Variants in ST7L observed in about 807,000 individuals in gnomAD.
ST7L encodes suppression of tumorigenicity 7 like.
In ST7L, 57 loss-of-function variants were observed where a neutral mutation model predicts 72.5. The observed-to-expected ratio is 0.79, with a 90% CI of 0.64 to 0.98. The LOEUF is 0.98. ST7L is among the 50% of genes least tolerant of loss of function. ST7L has a pLI of 0.00. For synonymous variants in ST7L, 221 were observed against 240.9 expected, an observed-to-expected ratio of 0.92 and a Z score of 0.77; for missense variants, 576 against 672.2, an observed-to-expected ratio of 0.86 and a Z score of 1.58.
chr1:112,534,325 T>G (rs1236454705), intron 14 of ST7L, among the ~76,000 whole-genome samples: 1 of 152,208 alleles, frequency 6.6e-6, no homozygotes, highest in East Asian at 1.9e-4. Flanking sequence ...GTATGTATCA[T>G]GACTAAAAGT....
At chr1:112,526,422 CAG>C (rs1204450157) in intron 14 of ST7L, 3 of 223,774 alleles carry the variant, frequency 1.3e-5, no homozygotes, top group East Asian at 9.0e-5. Flanking sequence ...GTAGTCATGA[CAG>C]AAAATTATTA....
chr1:112,562,459 A>C (rs1660329278), intron 11 of ST7L, among the ~76,000 whole-genome samples: 1 of 152,182 alleles, frequency 6.6e-6, no homozygotes. Context: ...CAATTAAAAA[A>C]AAAGATATGA....
chr1:112,574,217 T>C (rs1392844654), intron 11 of ST7L, among the ~76,000 whole-genome samples: 4 of 120,906 alleles, frequency 3.3e-5, no homozygotes, highest in African/African-American at 7.3e-5. Context: ...GCGCCCGGAC[T>C]TTTTTTTTTT....
At chr1:112,593,635 C>T (rs989094512) in intron 5 of ST7L, among the ~76,000 whole-genome samples, 1 of 151,974 alleles carries the variant, frequency 6.6e-6, no homozygotes, top group South Asian at 2.1e-4. Context: ...TCAATTTTGC[C>T]CTATTTTTCA....
At chr1:112,568,296 T>A (rs989481954) in intron 11 of ST7L, among the ~76,000 whole-genome samples, 11 of 152,046 alleles carry the variant, frequency 7.2e-5, no homozygotes, top group African/African-American at 2.4e-4. Flanking sequence ...CTGGATCACA[T>A]TAATCAAGAG....
chr1:112,547,152 C>G (rs2101491359), intron 13 of ST7L, among the ~76,000 whole-genome samples: 1 of 151,798 alleles, frequency 6.6e-6, no homozygotes, highest in South Asian at 2.1e-4. Context: ...TTCTTGACCT[C>G]CTAGATAGCT....
upstream of ST7L, chr1:112,619,313 G>T: frequency 3.3e-6 from 2 of 612,008 alleles, no homozygotes; most frequent in East Asian, 5.5e-5. Flanking sequence ...GCAGGGAAGG[G>T]GCGGACAGCA....
chr1:112,582,190 T>A (rs1664227252), intron 8 of ST7L, 84 bp from the exon 9 acceptor site: 2 of 1,115,082 alleles, frequency 1.8e-6, no homozygotes, highest in Non-Finnish European at 2.6e-6. Context: ...GTAGAAATTC[T>A]TGTTTCTTAC....
At chr1:112,552,755 G>C (rs1471712157) in intron 12 of ST7L, among the ~76,000 whole-genome samples, 1 of 152,062 alleles carries the variant, frequency 6.6e-6, no homozygotes, top group African/African-American at 2.4e-5. Flanking sequence ...AAGTCATAGA[G>C]TAAATTAGTG....
intron 11 of ST7L, among the ~76,000 whole-genome samples, chr1:112,559,538 A>G (rs1659760921): frequency 6.6e-6 from 1 of 152,114 alleles, no homozygotes; most frequent in Non-Finnish European, 1.5e-5. Flanking sequence ...GGCAAAAAAA[A>G]ATACTTTTTT....
At chr1:112,549,908 T>C (rs550934371) in intron 13 of ST7L, among the ~76,000 whole-genome samples, 6 of 152,310 alleles carry the variant, frequency 3.9e-5, no homozygotes, top group African/African-American at 1.4e-4. Flanking sequence ...CCATTAAATA[T>C]AATGTTAATT....
At chr1:112,605,409 G>C (rs1436643497) in intron 3 of ST7L, among the ~76,000 whole-genome samples, 5 of 148,264 alleles carry the variant, frequency 3.4e-5, no homozygotes, top group Non-Finnish European at 7.4e-5. Context: ...AACAAAAAGA[G>C]GCCAAGTGTG....
At position 112,525,500 on chromosome 1, in the gene ST7L, A is replaced by G. The variant is rs1382413834; in HGVS notation, c.*513T>C. The stretch of plus-strand genomic sequence containing the variant: ...TTTTCCCACTTCCCACTCATGGCTT[A>G]TATTATCTCTGAGCATCTCGGTGGC... On this transcript the variant is annotated 3_prime_UTR_variant, in exon 15 of 15. Transcript: ENST00000358039. 1 of 153,250 alleles carries G rather than the reference A, an allele frequency of 6.5e-6. No individual in the cohort carries two copies. The highest frequency in any genetic ancestry group is 1.5e-5 in the Non-Finnish European group (1 of 68,780). 9.5% of individuals were successfully genotyped at this position (153,250 alleles called of 1,614,324 possible).
chr1:112,561,523 C>T (rs112599249), intron 11 of ST7L, among the ~76,000 whole-genome samples: 70 of 151,900 alleles, frequency 4.6e-4, no homozygotes, highest in Middle Eastern at 6.8e-3. Context: ...TTTTGTTGTC[C>T]AGACTGGAGT....
chr1:112,618,102 T>C, intron 1 of ST7L: 1 of 1,301,044 alleles, frequency 7.7e-7, no homozygotes, highest in Non-Finnish European at 1.0e-6. Context: ...ATGGAAATAC[T>C]TATATCTTGT....
intron 13 of ST7L, among the ~76,000 whole-genome samples, chr1:112,547,131 A>G (rs2101491194): frequency 6.6e-6 from 1 of 151,806 alleles, no homozygotes; most frequent in African/African-American, 2.4e-5. Context: ...AAGTCAGAAA[A>G]TTGAGAATCA....
intron 14 of ST7L, among the ~76,000 whole-genome samples, chr1:112,530,398 C>G (rs1284321924): frequency 1.3e-5 from 2 of 152,080 alleles, no homozygotes; most frequent in African/African-American, 4.8e-5. Flanking sequence ...TGTATAAACT[C>G]AAGGAGAGGT....
chr1:112,619,678 G>GGGCGCT (rs746143710), upstream of ST7L: 16 of 594,366 alleles, frequency 2.7e-5, no homozygotes, highest in Non-Finnish European at 4.2e-5. Context: ...GCGCGGGCGC[G>GGGCGCT]GGCGCTGGCG....
intron 13 of ST7L, among the ~76,000 whole-genome samples, chr1:112,543,784 G>T (rs1002373479): frequency 6.8e-6 from 1 of 147,426 alleles, no homozygotes; most frequent in African/African-American, 2.5e-5. Context: ...CAGGAGGATC[G>T]CTAGAACCTG....
Sources: allele counts gnomAD v4.1 joint callset (sites outside exome capture counted in the v4.1 genomes callset), GRCh38; gene constraint gnomAD v4.1.1; transcripts MANE v1.5; gene names NCBI Gene and HGNC (gene_info 2026-07-23, HGNC 2026-07-21).